FCHO2: variants seen among roughly 807,000 people sequenced by gnomAD.
FCHO2 encodes FCH and mu domain containing endocytic adaptor 2.
A neutral mutation model predicts 114.1 loss-of-function variants in FCHO2; 43 were observed. That is an observed-to-expected ratio of 0.38 (90% CI 0.30 to 0.49). FCHO2 has a LOEUF of 0.49. FCHO2 is among the 20% of genes least tolerant of loss of function. The pLI is 0.97. For synonymous variants in FCHO2, 293 were observed against 315.2 expected, an observed-to-expected ratio of 0.93 and a Z score of 0.75; for missense variants, 807 against 950.4, an observed-to-expected ratio of 0.85 and a Z score of 1.98.
At chr5:72,956,256 C>A in intron 1 of FCHO2, 127 bp downstream of exon 1, 1 of 1,307,116 alleles carries the variant, frequency 7.7e-7, no homozygotes, top group South Asian at 1.5e-5. Flanking sequence ...CCTGCCGCGT[C>A]CCGCCTGGGT....
At chr5:73,013,706 C>T (rs1232787539) in intron 6 of FCHO2, among the ~76,000 whole-genome samples, 4 of 152,136 alleles carry the variant, frequency 2.6e-5, no homozygotes, top group Admixed American at 6.6e-5. Context: ...CTCACTCTGT[C>T]GCCCAGGCTG....
chr5:73,027,363 CTTG>C (rs1056377888), intron 8 of FCHO2, among the ~76,000 whole-genome samples: 17 of 147,902 alleles, frequency 1.1e-4, no homozygotes, highest in African/African-American at 4.0e-4. Context: ...CCCAGTCTGG[CTTG>C]TTCTTTTTTT....
At chr5:72,956,845 C>T (rs974858972) in intron 1 of FCHO2, among the ~76,000 whole-genome samples, 2 of 151,800 alleles carry the variant, frequency 1.3e-5, no homozygotes, top group African/African-American at 4.8e-5. Context: ...GTATTAGATT[C>T]TTCTTTGAGA....
At chr5:72,983,877 T>C (rs996976844) in intron 2 of FCHO2, among the ~76,000 whole-genome samples, 7 of 151,988 alleles carry the variant, frequency 4.6e-5, no homozygotes, top group Non-Finnish European at 1.0e-4. Context: ...TATATATATA[T>C]ACATTTATAT....
intron 10 of FCHO2, 58 bp from the exon 11 acceptor site, chr5:73,041,233 A>C: frequency 1.1e-5 from 12 of 1,127,848 alleles, no homozygotes; most frequent in Non-Finnish European, 1.6e-5. Flanking sequence ...TACTTTAAAC[A>C]AGCATAATTA....
At chr5:73,051,495 A>G in intron 12 of FCHO2, 89 bp downstream of exon 12, 1 of 690,284 alleles carries the variant, frequency 1.4e-6, no homozygotes, top group Non-Finnish European at 2.3e-6. Flanking sequence ...GCCTCTTCCA[A>G]TTTTTTATTA....
At chr5:73,012,285 T>C (rs963984400) in intron 6 of FCHO2, among the ~76,000 whole-genome samples, 1 of 152,206 alleles carries the variant, frequency 6.6e-6, no homozygotes. Flanking sequence ...GCATTAGTTG[T>C]TGACAGAAAT....
At chr5:72,972,942 T>G (rs1190437664) in intron 2 of FCHO2, among the ~76,000 whole-genome samples, 1 of 152,248 alleles carries the variant, frequency 6.6e-6, no homozygotes, top group Non-Finnish European at 1.5e-5. Context: ...AGGCCTTTTC[T>G]GCATGTATTG....
At chr5:72,963,051 G>A (rs1159763242) in intron 1 of FCHO2, among the ~76,000 whole-genome samples, 1 of 152,196 alleles carries the variant, frequency 6.6e-6, no homozygotes, top group Non-Finnish European at 1.5e-5. Context: ...GCAAGAGGAT[G>A]TTGCTGGAAT....
At chr5:73,021,804 G>A (rs542958477) in intron 8 of FCHO2, among the ~76,000 whole-genome samples, 1 of 152,266 alleles carries the variant, frequency 6.6e-6, no homozygotes, top group East Asian at 1.9e-4. Flanking sequence ...CAAGATTAGG[G>A]TGTTAAGAAG....
At chr5:72,960,237 TTAAAG>T (rs1041684974) in intron 1 of FCHO2, among the ~76,000 whole-genome samples, 20 of 152,264 alleles carry the variant, frequency 1.3e-4, no homozygotes, top group Non-Finnish European at 2.8e-4. Flanking sequence ...TCCTTTTTCT[TTAAAG>T]TATAGGTTTT....
chr5:72,961,435 C>T (rs1751856997), intron 1 of FCHO2, among the ~76,000 whole-genome samples: 1 of 152,040 alleles, frequency 6.6e-6, no homozygotes. Context: ...CATCAGATGA[C>T]ATACCAAAAC....
intron 5 of FCHO2, among the ~76,000 whole-genome samples, chr5:72,999,209 T>C (rs1377021153): frequency 1.3e-5 from 2 of 152,076 alleles, no homozygotes; most frequent in Non-Finnish European, 2.9e-5. Context: ...ATTTGTAATA[T>C]ATTTTAATCC....
Position 72,968,566 on chromosome 5 carries a change from A to C in FCHO2, c.102A>C (p.Glu34Asp), listed in dbSNP as rs758560014. 1 of 1,536,998 alleles carries C rather than the reference A, an allele frequency of 6.5e-7. No homozygotes were observed. The highest frequency in any genetic ancestry group is 8.7e-7 in the Non-Finnish European group (1 of 1,150,232). Reference sequence around the variant, plus strand: ...AACATGGACAGATATCAACAAAAGAACTAGCAGATTTTGTAAGGGAACGGT... The same window carrying C: ...AACATGGACAGATATCAACAAAAGACCTAGCAGATTTTGTAAGGGAACGGT... ...NMKHGQISTK[E>D]LADFVRERAT... Residue 34 changes from glutamate to aspartate, a missense_variant, in exon 2 of 26, where the codon GAA becomes GAC. Physicochemically the swap from Glu to Asp is conservative, Grantham distance 45. Coordinates refer to ENST00000430046, the MANE Select transcript of FCHO2 (RefSeq NM_138782.3).
chr5:73,017,316 G>A lies in FCHO2; in HGVS notation c.796+8G>A, dbSNP rs772427448. 6.6e-6 allele frequency: 10 copies of A among 1,506,550 alleles called. No homozygotes were observed. The Admixed American group carries it at 1.7e-4, about 26-fold the overall frequency. The allele number at this position is 1,506,550 out of a possible 1,614,324, so 93.3% of individuals were successfully genotyped here. A position where few individuals can be genotyped will look rare whatever the true frequency, so the allele number is the denominator to read the frequency against. Reference sequence around the variant, plus strand: ...CTGGGAAGGAAAGACCTGGTAAGATGATAAACTCTGCAAGGAAACATTTTA... The same window carrying A: ...CTGGGAAGGAAAGACCTGGTAAGATAATAAACTCTGCAAGGAAACATTTTA... On this transcript the variant is annotated splice_region_variant and intron_variant, in intron 8 of 25. Transcript: ENST00000430046.
intron 16 of FCHO2, among the ~76,000 whole-genome samples, chr5:73,058,008 T>TA (rs1030636723): frequency 1.2e-4 from 18 of 151,940 alleles, no homozygotes; most frequent in East Asian, 3.9e-4. Flanking sequence ...ACTTTTAAAT[T>TA]AAAAAAAATT....
At chr5:72,987,634 G>A (rs1379337310) in intron 2 of FCHO2, among the ~76,000 whole-genome samples, 1 of 152,138 alleles carries the variant, frequency 6.6e-6, no homozygotes, top group African/African-American at 2.4e-5. Context: ...CACCGTGCCT[G>A]GCTGATTAGG....
At chr5:72,969,063 C>T (rs770356024) in intron 2 of FCHO2, among the ~76,000 whole-genome samples, 11 of 151,920 alleles carry the variant, frequency 7.2e-5, no homozygotes, top group Non-Finnish European at 1.3e-4. Context: ...TAGAATATAG[C>T]GAATTTAAAA....
intron 1 of FCHO2, among the ~76,000 whole-genome samples, chr5:72,962,988 A>G (rs926330315): frequency 1.3e-5 from 2 of 152,176 alleles, no homozygotes; most frequent in African/African-American, 2.4e-5. Flanking sequence ...AACAAAAACA[A>G]CAGCATGACA....
Sources: gnomAD v4.1 joint callset for allele counts (sites outside exome capture counted in the v4.1 genomes callset) on GRCh38, gnomAD v4.1.1 for gene constraint, MANE v1.5 for transcripts, NCBI Gene and HGNC (gene_info 2026-07-23, HGNC 2026-07-21) for gene names.